WDR35: variants seen among roughly 807,000 people sequenced by gnomAD.
WDR35 encodes the protein WD repeat-containing protein 35.
In WDR35, 118 loss-of-function variants were observed where a neutral mutation model predicts 158.3. The observed-to-expected ratio is 0.75, with a 90% CI of 0.64 to 0.87. The LOEUF is 0.87. WDR35 is among the 40% of genes least tolerant of loss of function. The pLI is 0.00. For missense variants in WDR35, 1,263 were observed against 1,405.8 expected, an observed-to-expected ratio of 0.90 and a Z score of 1.62; for synonymous variants, 448 against 476.1, an observed-to-expected ratio of 0.94 and a Z score of 0.77.
chr2:19,985,816 G>A (rs935065623), intron 2 of WDR35, among the ~76,000 whole-genome samples: 3 of 142,822 alleles, frequency 2.1e-5, no homozygotes, highest in Non-Finnish European at 4.5e-5. Context: ...AGAATTGCTT[G>A]AACCCGGGAA....
chr2:19,922,734 T>A (rs1402200198), intron 25 of WDR35, among the ~76,000 whole-genome samples: 1 of 152,002 alleles, frequency 6.6e-6, no homozygotes, highest in Non-Finnish European at 1.5e-5. Flanking sequence ...AAGTATAAAT[T>A]TAGTTTCATG....
intron 2 of WDR35, among the ~76,000 whole-genome samples, chr2:19,984,515 A>T (rs1341175806): frequency 1.3e-5 from 2 of 152,268 alleles, no homozygotes; most frequent in African/African-American, 4.8e-5. Context: ...TTTAAAAGGC[A>T]TAATCGAAGA....
intron 12 of WDR35, chr2:19,951,999 G>T (rs1457215519): frequency 6.5e-6 from 1 of 153,776 alleles, no homozygotes; most frequent in East Asian, 1.9e-4. Flanking sequence ...TGTCTCTCTA[G>T]TACCTGTACC....
chr2:19,936,123 T>C (rs1670684415), intron 20 of WDR35, 96 bp downstream of exon 20: 1 of 1,557,518 alleles, frequency 6.4e-7, no homozygotes, highest in South Asian at 1.2e-5. Context: ...TTCAAGAAAA[T>C]GATCTTCATT....
At chr2:19,929,592 G>A (rs1331262257) in intron 25 of WDR35, among the ~76,000 whole-genome samples, 2 of 152,132 alleles carry the variant, frequency 1.3e-5, no homozygotes, top group Non-Finnish European at 2.9e-5. Context: ...TTGTTAAGAA[G>A]AAATTGAGAT....
chr2:19,943,581 T>C (rs1302639328), intron 16 of WDR35, among the ~76,000 whole-genome samples: 3 of 152,112 alleles, frequency 2.0e-5, no homozygotes, highest in South Asian at 2.1e-4. Context: ...TATAAGAGCA[T>C]ATATTCAAAA....
At chr2:19,921,263 T>C (rs1000222948) in intron 25 of WDR35, among the ~76,000 whole-genome samples, 2 of 152,160 alleles carry the variant, frequency 1.3e-5, no homozygotes, top group Non-Finnish European at 2.9e-5. Context: ...AGAGCCCGCA[T>C]AGCCAACACA....
intron 2 of WDR35, among the ~76,000 whole-genome samples, chr2:19,987,475 T>G (rs1176354504): frequency 3.9e-5 from 6 of 152,166 alleles, no homozygotes. Context: ...AAAAGAAGTT[T>G]GTTTTTAAAA....
intron 6 of WDR35, 111 bp from the exon 7 acceptor site, chr2:19,974,744 C>G (rs564645323): frequency 9.1e-7 from 1 of 1,103,244 alleles, no homozygotes; most frequent in Non-Finnish European, 1.3e-6. Context: ...GTCTAAAAAT[C>G]AGGTGGCAAA....
Position 19,953,862 on chromosome 2 carries a change from TG to T in WDR35, c.1371del (p.Thr458HisfsTer42), listed in dbSNP as rs746311722. The T allele has an allele frequency of 3.7e-6, 6 of 1,614,040 alleles. No homozygotes were observed. The African/African-American group carries it at 6.7e-5, about 18-fold the overall frequency. On this transcript the variant is annotated frameshift_variant, in exon 12 of 27. Coordinates refer to ENST00000281405, the MANE Select transcript of WDR35 (RefSeq NM_020779.4). LOFTEE classifies it high-confidence loss of function. ...KKLTALEINQ[I>X]TRSRKEGRER... ...TCTCTCCCTTCTTTTCGAGACCGTG[TG>T]ATCTGATTAATTTCCAATGCTGTGA...
intron 13 of WDR35, among the ~76,000 whole-genome samples, chr2:19,949,633 C>T (rs34459327): frequency 0.25 from 38,648 of 152,094 alleles, 4,967 homozygotes; most frequent in African/African-American, 0.26. Flanking sequence ...GGCTACTGCA[C>T]TGGAGAACAA....
At chr2:19,965,300 T>C (rs1671813899) in intron 10 of WDR35, among the ~76,000 whole-genome samples, 2 of 152,222 alleles carry the variant, frequency 1.3e-5, no homozygotes. Flanking sequence ...TGTGTTTAGA[T>C]GGCTTTCTCA....
chr2:19,947,209 G>A (rs1413910866), intron 14 of WDR35, among the ~76,000 whole-genome samples: 1 of 152,168 alleles, frequency 6.6e-6, no homozygotes, highest in Non-Finnish European at 1.5e-5. Context: ...CAAACCCTTG[G>A]CTGCCTCAGG....
rs779583206 is a variant in WDR35, at chr2:19,953,980, T to C, written c.1256-2A>G. On this transcript the variant is annotated splice_acceptor_variant, in intron 11 of 26. Coordinates refer to ENST00000281405, the MANE Select transcript of WDR35 (RefSeq NM_020779.4). LOFTEE classifies it high-confidence loss of function. The stretch of plus-strand genomic sequence containing the variant: ...TGGTCATTGCAACAAACAATGGTAC[T>C]GTTAAAAATAACATTAAGATAATTT... 7 of 1,614,112 alleles carry C rather than the reference T, an allele frequency of 4.3e-6. No homozygotes were observed. In the South Asian group the frequency reaches 7.7e-5, roughly 18 times the overall value.
At position 19,978,938 on chromosome 2, in the gene WDR35, T is replaced by C. The variant is rs189977697; in HGVS notation, c.308-59A>G. 5 of 1,603,442 alleles carry C rather than the reference T, an allele frequency of 3.1e-6. No individual in the cohort carries two copies. The East Asian group carries it at 1.1e-4, about 36-fold the overall frequency. ...AACTTTCACATCTATTAAATAGTAG[T>C]TAAGAATTGAAAGCATTCCATAAAG... On this transcript the variant is annotated intron_variant, in intron 4 of 26. Transcript: ENST00000281405.
chr2:19,982,790 T>C (rs542276051), intron 2 of WDR35, among the ~76,000 whole-genome samples: 44 of 152,358 alleles, frequency 2.9e-4, no homozygotes, highest in South Asian at 1.4e-3. Flanking sequence ...CACTGCTTTT[T>C]ATTCCTTTCC....
Position 19,966,829 on chromosome 2 carries a change from C to T in WDR35, c.1089G>A (p.Thr363=), listed in dbSNP as rs79829477. 2,627 of 1,613,814 alleles carry T rather than the reference C, an allele frequency of 1.6e-3. 33 individuals carry two copies. In the African/African-American group the frequency reaches 0.028, roughly 17 times the overall value. The stretch of plus-strand genomic sequence containing the variant: ...ATTTAACATATTTTTCATTGTTTTT[C>T]GTATCCCAGAAGACAACACAATATT... ...RPEYCVVFWD[T]KNNEKYVKYV... The change falls in exon 10 of 27, where the codon ACG becomes ACA. Residue 363 remains threonine, a synonymous_variant. Coordinates refer to ENST00000281405, the MANE Select transcript of WDR35 (RefSeq NM_020779.4).
At chr2:19,977,211 T>C (rs1043402417) in intron 5 of WDR35, among the ~76,000 whole-genome samples, 1 of 152,206 alleles carries the variant, frequency 6.6e-6, no homozygotes, top group Non-Finnish European at 1.5e-5. Context: ...ACCATGCATA[T>C]GCTGGTGGTT....
intron 17 of WDR35, among the ~76,000 whole-genome samples, chr2:19,941,302 T>G (rs554245290): frequency 6.6e-6 from 1 of 151,778 alleles, no homozygotes; most frequent in Admixed American, 6.6e-5. Flanking sequence ...CTGGAAAAAA[T>G]GGAAAGATAG....
Sources: gnomAD v4.1 joint callset for allele counts (sites outside exome capture counted in the v4.1 genomes callset) on GRCh38, gnomAD v4.1.1 for gene constraint, MANE v1.5 for transcripts, NCBI Gene and HGNC (gene_info 2026-07-23, HGNC 2026-07-21) for gene names.